PREPL: variants seen among roughly 807,000 people sequenced by gnomAD.
The protein encoded by PREPL is prolyl endopeptidase like.
A neutral mutation model predicts 70.6 loss-of-function variants in PREPL; 77 were observed. The ratio of observed to expected loss-of-function variants is 1.09; its 90% CI spans 0.91 to 1.32. The LOEUF is 1.32. PREPL is among the 40% of genes most tolerant of loss of function. The pLI is 0.00. For synonymous variants in PREPL, 315 were observed against 264.8 expected (o/e 1.19, Z -1.84); for missense variants, 1,002 against 778.2 (o/e 1.29, Z -3.42).
At chr2:44,335,976 G>A (rs1247783618) in intron 7 of PREPL, among the ~76,000 whole-genome samples, 4 of 152,038 alleles carry the variant, frequency 2.6e-5, no homozygotes, top group African/African-American at 9.7e-5. Context: ...CTAACCATTA[G>A]AGGAATGCAA....
chr2:44,355,237 T>C (rs1676898950), intron 1 of PREPL, among the ~76,000 whole-genome samples: 1 of 152,174 alleles, frequency 6.6e-6, no homozygotes, highest in Non-Finnish European at 1.5e-5. Flanking sequence ...TAGTCTTCCA[T>C]TAAGATGTCT....
Position 44,321,409 on chromosome 2 carries a change from C to T in PREPL, c.1864G>A (p.Gly622Arg). The T allele has an allele frequency of 6.2e-7, 1 of 1,612,966 alleles. No individual in the cohort carries two copies. The highest frequency in any genetic ancestry group is 1.7e-5 in the Admixed American group (1 of 59,980). The stretch of plus-strand genomic sequence containing the variant: ...TCGAAAACACTGGTGCTGTCAAGTC[C>T]AAGTTCCTCGTACAGGAATTTAATT... Reference protein sequence around the residue: ...AQIKFLYEELGLDSTSVFEDL... With the variant: ...AQIKFLYEELRLDSTSVFEDL... The change falls in exon 14 of 14, where the codon GGA becomes AGA. Residue 622 changes from glycine to arginine, a missense_variant. Physicochemically the swap from Gly to Arg is moderately radical, Grantham distance 125. Transcript: ENST00000409411.
At chr2:44,357,599 TA>T (rs1677185184) in intron 1 of PREPL, among the ~76,000 whole-genome samples, 2 of 152,228 alleles carry the variant, frequency 1.3e-5, no homozygotes, top group Admixed American at 1.3e-4. Context: ...TGGGAATCTA[TA>T]AAAGAGAACG....
At position 44,319,507 on chromosome 2, in the gene PREPL, A is replaced by G. The variant is rs747189648; in HGVS notation, c.*1849T>C. 1.3e-5 allele frequency: 2 copies of G among 152,298 alleles called. No individual in the cohort carries two copies. Among genetic ancestry groups the G allele is most frequent in the African/African-American group, 2.4e-5 (1 of 41,476 alleles). 9.4% of individuals were successfully genotyped at this position (152,298 alleles called of 1,614,324 possible). A position where few individuals can be genotyped will look rare whatever the true frequency, so the allele number is the denominator to read the frequency against. On this transcript the variant is annotated 3_prime_UTR_variant, in exon 14 of 14. Coordinates refer to ENST00000409411, the MANE Select transcript of PREPL (RefSeq NM_001171613.2). ...GTCATTAAAAACATTTATGGAGGCT[A>G]TATTATATAGTCAATAACAGAAAAT... is the stretch of plus-strand genomic sequence containing the variant.
intron 5 of PREPL, 25 bp downstream of exon 5, chr2:44,342,392 A>T: frequency 1.9e-6 from 3 of 1,570,030 alleles, no homozygotes; most frequent in Non-Finnish European, 2.6e-6. Context: ...CTGGAGAGAA[A>T]GATTTAATTA....
chr2:44,324,851 T>C (rs1673333725), intron 10 of PREPL, among the ~76,000 whole-genome samples: 1 of 152,074 alleles, frequency 6.6e-6, no homozygotes, highest in Admixed American at 6.6e-5. Context: ...CGTGTGCCAT[T>C]GCATTCCAGC....
At chr2:44,342,885 A>C (rs908631665) in intron 4 of PREPL, among the ~76,000 whole-genome samples, 1 of 152,172 alleles carries the variant, frequency 6.6e-6, no homozygotes. Context: ...TCAATCTACA[A>C]CTTGAAACTG....
chr2:44,339,344 G>C lies in PREPL; in HGVS notation c.505C>G (p.Leu169Val), dbSNP rs532684912. Residue 169 changes from leucine to valine, a missense_variant, in exon 6 of 14, where the codon CTT (leucine) becomes GTT (valine). Leu to Val is a conservative substitution (Grantham distance 32). Coordinates refer to ENST00000409411, the MANE Select transcript of PREPL (RefSeq NM_001171613.2). ...KDPSYFVFLY[L>V]TKDSRFLTIN... The stretch of plus-strand genomic sequence containing the variant: ...GTGAGGAAACGACTGTCTTTTGTAA[G>C]ATAAAGGAAAACAAAGTAGCTAGAG... 24 of 1,613,874 alleles carry C rather than the reference G, an allele frequency of 1.5e-5. No individual in the cohort carries two copies. The Admixed American group carries it at 1.5e-4, about 10-fold the overall frequency.
At chr2:44,330,833 T>C (rs1674014879) in intron 8 of PREPL, among the ~76,000 whole-genome samples, 1 of 152,194 alleles carries the variant, frequency 6.6e-6, no homozygotes, top group South Asian at 2.1e-4. Context: ...ATATTGAGTA[T>C]ACCTGGAATA....
rs535532005 is a variant in PREPL, at chr2:44,352,046, A to G, written c.-48-5656T>C. Among the ~76,000 whole-genome samples the G allele has an allele frequency of 5.9e-5, 9 of 152,312 alleles. No homozygotes were observed. The South Asian group carries it at 1.7e-3, about 28-fold the overall frequency. ...TCTTGAACATATCAAGCTTGCTCCCATATCAGTTTCTTAGAACTTGGGCCC... is the reference window on the plus strand; with the variant it reads ...TCTTGAACATATCAAGCTTGCTCCCGTATCAGTTTCTTAGAACTTGGGCCC... On this transcript the variant is annotated intron_variant, in intron 1 of 13. Coordinates refer to ENST00000409411, the MANE Select transcript of PREPL (RefSeq NM_001171613.2).
At chr2:44,357,664 G>C (rs2104238165) in intron 1 of PREPL, among the ~76,000 whole-genome samples, 1 of 152,318 alleles carries the variant, frequency 6.6e-6, no homozygotes, top group Non-Finnish European at 1.5e-5. Flanking sequence ...CTTCTGTTTA[G>C]AATGTGAGCT....
chr2:44,336,843 C>A (rs748556194), intron 7 of PREPL, among the ~76,000 whole-genome samples: 10 of 152,138 alleles, frequency 6.6e-5, no homozygotes, highest in Admixed American at 3.3e-4. Context: ...TTCTAAGAGA[C>A]TGGACATTAC....
chr2:44,359,777 G>C, intron 1 of PREPL: 1 of 1,209,602 alleles, frequency 8.3e-7, no homozygotes, highest in Non-Finnish European at 1.2e-6. Context: ...GATTTTATAG[G>C]TATGATTACA....
intron 9 of PREPL, 59 bp from the exon 10 acceptor site, chr2:44,326,987 G>A (rs1356452226): frequency 6.9e-7 from 1 of 1,457,324 alleles, no homozygotes; most frequent in East Asian, 2.4e-5. Flanking sequence ...TGTAGGCTGG[G>A]GTCAGCGAAC....
chr2:44,356,850 G>A (rs1677100676), intron 1 of PREPL, among the ~76,000 whole-genome samples: 2 of 151,422 alleles, frequency 1.3e-5, no homozygotes, highest in Admixed American at 6.6e-5. Context: ...CTGTCACCCA[G>A]GCTGAAGATC....
In PREPL at chr2:44,351,087, TA is replaced by T. The variant is rs1304787216; in HGVS notation, c.-48-4698del. Among the ~76,000 whole-genome samples, 364 of 143,762 alleles carry T rather than the reference TA, an allele frequency of 2.5e-3. 1 individual carries two copies. The highest frequency in any genetic ancestry group is 9.9e-3 in the African/African-American group (341 of 34,436). 94.3% of individuals were successfully genotyped at this position (143,762 alleles called of 152,430 possible). A position where few individuals can be genotyped will look rare whatever the true frequency, so the allele number is the denominator to read the frequency against. On this transcript the variant is annotated intron_variant, in intron 1 of 13. Transcript: ENST00000409411. ...ACAGGCACTTGCTCACCACGCTGGC[TA>T]ATTTTTTTTTTTTTTTTTGTATTTT...
At chr2:44,359,368 TTGAAAA>T (rs1434030174) in intron 1 of PREPL, 10 of 785,404 alleles carry the variant, frequency 1.3e-5, no homozygotes, top group Non-Finnish European at 2.0e-5. Flanking sequence ...CAATTGAGAC[TTGAAAA>T]TTAGAAAAAT....
chr2:44,349,639 A>C lies in PREPL; in HGVS notation c.-48-3249T>G, dbSNP rs1676192078. Among the ~76,000 whole-genome samples, 3 of 152,284 alleles carry C rather than the reference A, an allele frequency of 2.0e-5. 1 individual carries two copies. In the South Asian group the frequency reaches 6.2e-4, roughly 32 times the overall value. ...TAAAAGTTGGTTCTTTTAGAAACCT[A>C]TTAAAAAACAAACATCACAAAACTG... is the stretch of plus-strand genomic sequence containing the variant. On this transcript the variant is annotated intron_variant, in intron 1 of 13. Transcript: ENST00000409411.
chr2:44,344,375 A>T (rs1251700648), intron 3 of PREPL, 145 bp downstream of exon 3: 1 of 653,948 alleles, frequency 1.5e-6, no homozygotes, highest in Admixed American at 3.4e-5. Context: ...ACACAAACCC[A>T]GATATTAAAA....
Sources: allele counts gnomAD v4.1 joint callset (sites outside exome capture counted in the v4.1 genomes callset), GRCh38; gene constraint gnomAD v4.1.1; transcripts MANE v1.5; gene names NCBI Gene and HGNC (gene_info 2026-07-23, HGNC 2026-07-21).